The following SLC2A13 variants were observed in gnomAD, a reference collection of about 807,000 sequenced individuals.
SLC2A13 encodes solute carrier family 2 member 13, also known as proton myo-inositol cotransporter.
A neutral mutation model predicts 64.4 loss-of-function variants in SLC2A13; 32 were observed. The ratio of observed to expected loss-of-function variants is 0.50; its 90% confidence interval spans 0.37 to 0.67. The LOEUF (loss-of-function observed/expected upper bound fraction) is 0.67. Ranked by LOEUF, SLC2A13 falls within the 30% of genes least tolerant of loss-of-function variation. The pLI is 0.00. For synonymous variants in SLC2A13, 338 were observed against 327.1 expected (o/e 1.03, Z -0.36); for missense variants, 743 against 829.2 (o/e 0.90, Z 1.28).
chr12:39,979,444 A>G (rs1946843276), intron 3 of SLC2A13, among the ~76,000 whole-genome samples: 2 of 143,322 alleles, frequency 1.4e-5, no homozygotes, highest in Admixed American at 1.4e-4. Flanking sequence ...ATAAGAATGT[A>G]TAACTAGAAT....
At chr12:40,100,003 T>C (rs754865047) in intron 1 of SLC2A13, among the ~76,000 whole-genome samples, 1 of 152,202 alleles carries the variant, frequency 6.6e-6, no homozygotes, top group South Asian at 2.1e-4. Flanking sequence ...TTAAATGACA[T>C]TCTTTGTTGA....
At chr12:40,084,041 C>G (rs1384932130) in intron 1 of SLC2A13, among the ~76,000 whole-genome samples, 1 of 152,106 alleles carries the variant, frequency 6.6e-6, no homozygotes, top group Non-Finnish European at 1.5e-5. Context: ...ATTTGGGAGG[C>G]AGTAAAAGGC....
chr12:40,096,762 C>A (rs1475066350), intron 1 of SLC2A13, among the ~76,000 whole-genome samples: 2 of 151,836 alleles, frequency 1.3e-5, no homozygotes, highest in Non-Finnish European at 2.9e-5. Context: ...TATATTATTT[C>A]TTTGCATTAA....
At chr12:39,893,553 G>C (rs1279083667) in intron 4 of SLC2A13, among the ~76,000 whole-genome samples, 2 of 152,188 alleles carry the variant, frequency 1.3e-5, no homozygotes, top group Non-Finnish European at 2.9e-5. Flanking sequence ...GCCCGCCTTG[G>C]TCTCCCAAAG....
chr12:40,070,820 A>G (rs1454234225), intron 1 of SLC2A13, among the ~76,000 whole-genome samples: 1 of 152,122 alleles, frequency 6.6e-6, no homozygotes, highest in African/African-American at 2.4e-5. Flanking sequence ...CTTATTCCTA[A>G]CCACATAAAA....
intron 7 of SLC2A13, among the ~76,000 whole-genome samples, chr12:39,768,438 G>A (rs1940440734): frequency 6.6e-6 from 1 of 152,102 alleles, no homozygotes; most frequent in African/African-American, 2.4e-5. Flanking sequence ...CTAGCTTTCA[G>A]CCTATCTCAG....
chr12:39,786,534 G>A (rs928252027), intron 7 of SLC2A13, among the ~76,000 whole-genome samples: 1 of 152,206 alleles, frequency 6.6e-6, no homozygotes, highest in Non-Finnish European at 1.5e-5. Flanking sequence ...TAAGGGAAGA[G>A]GGTTTCAAGG....
At position 40,052,770 on chromosome 12, in the gene SLC2A13, A is replaced by G. The variant is rs112201413; in HGVS notation, c.557-4560T>C. Among the ~76,000 whole-genome samples, 9 of 152,176 alleles carry G rather than the reference A, an allele frequency of 5.9e-5. 1 individual carries two copies. Among genetic ancestry groups the G allele is most frequent in the African/African-American group, 1.9e-4 (8 of 41,514 alleles). ...TAGGTGGAGCTCAAAGGATGGTACT[A>G]TGGGGACAATGCGCATAACTGAAAC... is the stretch of plus-strand genomic sequence containing the variant. On this transcript the variant is annotated intron_variant, in intron 1 of 9. Coordinates refer to ENST00000280871, the MANE Select transcript of SLC2A13 (RefSeq NM_052885.4).
chr12:39,797,475 T>C (rs1941613757), intron 7 of SLC2A13, among the ~76,000 whole-genome samples: 1 of 152,180 alleles, frequency 6.6e-6, no homozygotes, highest in South Asian at 2.1e-4. Context: ...TGGGAAAATA[T>C]ATAAGTGGTG....
intron 3 of SLC2A13, among the ~76,000 whole-genome samples, chr12:39,977,401 G>A (rs1191159186): frequency 1.3e-5 from 2 of 152,146 alleles, no homozygotes; most frequent in South Asian, 2.1e-4. Context: ...AACTTCCTTC[G>A]TTGTTGCAGA....
At chr12:39,999,283 G>A (rs1467531015) in intron 3 of SLC2A13, among the ~76,000 whole-genome samples, 1 of 152,160 alleles carries the variant, frequency 6.6e-6, no homozygotes, top group Non-Finnish European at 1.5e-5. Flanking sequence ...ACAACCATAA[G>A]GTCTGACTGC....
Position 39,874,220 on chromosome 12 carries a change from A to T in SLC2A13, c.1035-2259T>A, listed in dbSNP as rs2135944618. Among the ~76,000 whole-genome samples, 2 of 152,344 alleles carry T rather than the reference A, an allele frequency of 1.3e-5. 1 individual carries two copies. Among genetic ancestry groups the T allele is most frequent in the South Asian group, 4.1e-4 (2 of 4,828 alleles). Reference sequence around the variant, plus strand: ...AGCAGGTCTGACGATCTGGGAGGGCACTGGAGGTCACTGAAATGACACATC... The same window carrying T: ...AGCAGGTCTGACGATCTGGGAGGGCTCTGGAGGTCACTGAAATGACACATC... On this transcript the variant is annotated intron_variant, in intron 4 of 9. Transcript: ENST00000280871.
At chr12:40,006,735 T>C (rs1369351425) in intron 3 of SLC2A13, among the ~76,000 whole-genome samples, 1 of 152,174 alleles carries the variant, frequency 6.6e-6, no homozygotes, top group African/African-American at 2.4e-5. Flanking sequence ...CTCCTATCAA[T>C]GGAAGCAATC....
At chr12:39,892,737 G>T (rs1424527618) in intron 4 of SLC2A13, among the ~76,000 whole-genome samples, 1 of 152,024 alleles carries the variant, frequency 6.6e-6, no homozygotes, top group Non-Finnish European at 1.5e-5. Context: ...TATCAAATTT[G>T]TTCCAAAGTA....
chr12:39,766,542 C>T (rs1223945074), intron 7 of SLC2A13, among the ~76,000 whole-genome samples: 12 of 152,128 alleles, frequency 7.9e-5, no homozygotes. Flanking sequence ...GTGGCAATTT[C>T]TCAAAATAAG....
At chr12:39,849,848 TTC>T (rs1943419436) in intron 6 of SLC2A13, among the ~76,000 whole-genome samples, 1 of 152,164 alleles carries the variant, frequency 6.6e-6, no homozygotes, top group African/African-American at 2.4e-5. Context: ...GGCTACTCCC[TTC>T]TTTTTTTTCT....
intron 7 of SLC2A13, among the ~76,000 whole-genome samples, chr12:39,783,716 T>A (rs940149383): frequency 2.9e-4 from 44 of 152,146 alleles, no homozygotes; most frequent in African/African-American, 9.9e-4. Context: ...TTGGGGGTTG[T>A]TTGTTTTCTT....
intron 4 of SLC2A13, among the ~76,000 whole-genome samples, chr12:39,905,658 C>T (rs1211044703): frequency 6.6e-6 from 1 of 151,998 alleles, no homozygotes; most frequent in Non-Finnish European, 1.5e-5. Flanking sequence ...TCCTTTAAGA[C>T]ATCTTATGTC....
chr12:39,996,877 A>C (rs757791260), intron 3 of SLC2A13, among the ~76,000 whole-genome samples: 32 of 152,356 alleles, frequency 2.1e-4, no homozygotes, highest in South Asian at 2.1e-4. Flanking sequence ...TGCTGAAAGA[A>C]ATCATAGAAA....
Sources: gnomAD v4.1 joint callset for allele counts (sites outside exome capture counted in the v4.1 genomes callset) on GRCh38, gnomAD v4.1.1 for gene constraint, MANE v1.5 for transcripts, NCBI Gene and HGNC (gene_info 2026-07-23, HGNC 2026-07-21) for gene names.